NPAS3: variants seen among roughly 807,000 people sequenced by gnomAD.
NPAS3 encodes neuronal PAS domain-containing protein 3.
In NPAS3, 14 loss-of-function variants were observed where a neutral mutation model predicts 73.1. The ratio of observed to expected loss-of-function variants is 0.19; its 90% CI spans 0.13 to 0.30. The LOEUF is 0.30. Ranked by LOEUF, NPAS3 falls within the 10% of genes least tolerant of loss-of-function variation. NPAS3 has a pLI of 1.00. For missense variants in NPAS3, 1,096 were observed against 1,250.0 expected, an observed-to-expected ratio of 0.88 and a Z score of 1.86; for synonymous variants, 620 against 541.5, an observed-to-expected ratio of 1.14 and a Z score of -2.01.
intron 5 of NPAS3, among the ~76,000 whole-genome samples, chr14:33,633,801 G>T (rs961881294): frequency 2.0e-5 from 3 of 152,078 alleles, no homozygotes; most frequent in Admixed American, 1.3e-4. Flanking sequence ...GCAACATAGT[G>T]AGACTCCATC....
intron 5 of NPAS3, among the ~76,000 whole-genome samples, chr14:33,576,167 G>T (rs2056425284): frequency 6.6e-6 from 1 of 152,172 alleles, no homozygotes; most frequent in Admixed American, 6.5e-5. Context: ...TGTGTGGGAT[G>T]GTTGTAGCAC....
At chr14:33,027,308 A>G (rs999118299) in intron 1 of NPAS3, among the ~76,000 whole-genome samples, 1 of 152,182 alleles carries the variant, frequency 6.6e-6, no homozygotes, top group East Asian at 1.9e-4. Context: ...GGCAGTTCAG[A>G]GAAAGACGTG....
chr14:33,048,171 A>G (rs2040575595), intron 1 of NPAS3, among the ~76,000 whole-genome samples: 1 of 152,176 alleles, frequency 6.6e-6, no homozygotes, highest in African/African-American at 2.4e-5. Flanking sequence ...TTTAAAAGTA[A>G]AATATTAATA....
intron 2 of NPAS3, among the ~76,000 whole-genome samples, chr14:33,210,073 C>T (rs1397903522): frequency 1.3e-5 from 2 of 152,156 alleles, no homozygotes; most frequent in African/African-American, 2.4e-5. Flanking sequence ...CCTTGTTATC[C>T]TCTGTGGATG....
rs555966370 is a variant in NPAS3 at position 33,411,358 on chromosome 14, T to C, written c.468+44090T>C. Reference sequence around the variant, plus strand: ...CCACTATGCCCAGCTAATTTTTGTATTTTTAGTAGAGACAGGGTTTCGCCA... The same window carrying C: ...CCACTATGCCCAGCTAATTTTTGTACTTTTAGTAGAGACAGGGTTTCGCCA... On this transcript the variant is annotated intron_variant, in intron 4 of 11. Coordinates refer to ENST00000356141, the Ensembl canonical transcript of NPAS3. Among the ~76,000 whole-genome samples, 7 of 152,168 alleles carry C rather than the reference T, an allele frequency of 4.6e-5. No individual in the cohort carries two copies. In the South Asian group the frequency reaches 1.5e-3, roughly 32 times the overall value.
At chr14:33,361,408 T>A (rs550253640) in intron 3 of NPAS3, among the ~76,000 whole-genome samples, 1 of 152,370 alleles carries the variant, frequency 6.6e-6, no homozygotes, top group East Asian at 1.9e-4. Context: ...GAACACCCCC[T>A]TGACTAAACA....
At chr14:32,995,834 AGT>A (rs2038546640) in intron 1 of NPAS3, among the ~76,000 whole-genome samples, 2 of 152,160 alleles carry the variant, frequency 1.3e-5, no homozygotes, top group Admixed American at 1.3e-4. Flanking sequence ...CTTTATCAGC[AGT>A]GTGAAAATGG....
intron 3 of NPAS3, among the ~76,000 whole-genome samples, chr14:33,250,693 A>G (rs1380579185): frequency 1.3e-5 from 2 of 152,096 alleles, no homozygotes; most frequent in East Asian, 3.9e-4. Context: ...GATTGTGGTT[A>G]TGAATGATCC....
At chr14:33,480,281 C>T (rs953093816) in intron 4 of NPAS3, among the ~76,000 whole-genome samples, 2 of 152,016 alleles carry the variant, frequency 1.3e-5, no homozygotes, top group Non-Finnish European at 2.9e-5. Context: ...TCTAATACAG[C>T]GTGAGTGATT....
At chr14:33,210,449 A>G (rs2046989200) in intron 2 of NPAS3, among the ~76,000 whole-genome samples, 2 of 152,212 alleles carry the variant, frequency 1.3e-5, no homozygotes, top group African/African-American at 4.8e-5. Flanking sequence ...ATAGAAGTTG[A>G]GGAGGCAGCT....
rs150351967 is a variant in NPAS3, at chr14:33,592,076, T to C, written c.558+31866T>C. On this transcript the variant is annotated intron_variant, in intron 5 of 11. Transcript: ENST00000356141. Reference sequence around the variant, plus strand: ...GATGACCGCTGGGAGACCAGAAATATATGCAGTTAAATGACATTAACACAC... The same window carrying C: ...GATGACCGCTGGGAGACCAGAAATACATGCAGTTAAATGACATTAACACAC... 1.4e-3 allele frequency among the ~76,000 whole-genome samples: 217 copies of C among 152,184 alleles called. 1 individual carries two copies. Among genetic ancestry groups the C allele is most frequent in the African/African-American group, 4.9e-3 (202 of 41,526 alleles).
chr14:33,221,514 A>C (rs7156596), intron 3 of NPAS3, among the ~76,000 whole-genome samples: 118,344 of 152,058 alleles, frequency 0.78, 46,300 homozygotes, highest in South Asian at 0.9. Context: ...ATAATCCCAG[A>C]ACTTTGGGAA....
At chr14:33,382,308 A>C (rs1399876260) in intron 4 of NPAS3, among the ~76,000 whole-genome samples, 2 of 152,172 alleles carry the variant, frequency 1.3e-5, no homozygotes, top group Non-Finnish European at 2.9e-5. Context: ...TTAACTCACA[A>C]CATTAATCCA....
At chr14:33,431,016 T>C (rs2048762107) in intron 4 of NPAS3, among the ~76,000 whole-genome samples, 1 of 152,100 alleles carries the variant, frequency 6.6e-6, no homozygotes, top group Non-Finnish European at 1.5e-5. Flanking sequence ...CTTTTACAAA[T>C]ACAAAGGAAA....
intron 1 of NPAS3, among the ~76,000 whole-genome samples, chr14:32,988,873 A>G (rs8007697): frequency 0.016 from 2,435 of 152,326 alleles, 65 homozygotes; most frequent in African/African-American, 0.055. Flanking sequence ...AACCCATGGC[A>G]CAACTTCTGT....
intron 3 of NPAS3, among the ~76,000 whole-genome samples, chr14:33,363,571 T>C (rs2140402273): frequency 6.6e-6 from 1 of 152,380 alleles, no homozygotes; most frequent in South Asian, 2.1e-4. Context: ...AAACTCTAGG[T>C]GTTTTATTTT....
rs372663411 is a variant in NPAS3, at chr14:33,147,730, A to AAAT, written c.141-67451_141-67450insATA. On this transcript the variant is annotated intron_variant, in intron 2 of 11. Coordinates refer to ENST00000356141, the Ensembl canonical transcript of NPAS3. ...CCCTAGAACTTAAAGTAGAATAAAA[A>AAAT]ATATATATATATATATATATATATA... Among the ~76,000 whole-genome samples the AAAT allele has an allele frequency of 4.2e-3, 551 of 130,348 alleles. 3 individuals are homozygous for AAAT. The highest frequency in any genetic ancestry group is 0.01 in the Admixed American group (138 of 13,408). The allele number at this position is 130,348 out of a possible 152,430, so 85.5% of individuals were successfully genotyped here.
In NPAS3 at chr14:33,442,457, C is replaced by T. The variant is rs560125220; in HGVS notation, c.468+75189C>T. ...AAAACTACAGTTAAGCCAGGTGATA[C>T]GGTTTGGCTGTGTCCCAAATCTCAT... On this transcript the variant is annotated intron_variant, in intron 4 of 11. Transcript: ENST00000356141. Among the ~76,000 whole-genome samples the T allele has an allele frequency of 1.2e-4, 19 of 152,050 alleles. No homozygotes were observed. The East Asian group carries it at 1.4e-3, about 11-fold the overall frequency.
intron 4 of NPAS3, among the ~76,000 whole-genome samples, chr14:33,428,944 A>G (rs1427611984): frequency 6.6e-6 from 1 of 152,156 alleles, no homozygotes; most frequent in East Asian, 1.9e-4. Context: ...AAGGAATAGT[A>G]ATAAAACTAG....
Sources: allele counts gnomAD v4.1 joint callset (sites outside exome capture counted in the v4.1 genomes callset), GRCh38; gene constraint gnomAD v4.1.1; transcripts MANE v1.5; gene names NCBI Gene and HGNC (gene_info 2026-07-23, HGNC 2026-07-21).